The following PPP4R3B variants were observed in gnomAD, a reference collection of about 807,000 sequenced individuals.
PPP4R3B encodes the protein serine/threonine-protein phosphatase 4 regulatory subunit 3B.
PPP4R3B carries 52 observed loss-of-function variants against 95.4 expected under a neutral mutation model. The observed-to-expected ratio is 0.54, with a 90% confidence interval of 0.44 to 0.69. PPP4R3B has a LOEUF of 0.69. Among genes scored for constraint, PPP4R3B ranks in the 30% least tolerant of loss-of-function variants. The pLI, the probability that PPP4R3B is intolerant of heterozygous loss-of-function variation, is 0.00. For synonymous variants in PPP4R3B, 407 were observed against 343.9 expected, an observed-to-expected ratio of 1.18 and a Z score of -2.03; for missense variants, 1,003 against 1,005.9, an observed-to-expected ratio of 1.00 and a Z score of 0.04.
At chr2:55,577,419 T>C (rs1380843959) in intron 10 of PPP4R3B, 63 bp from the exon 11 acceptor site, 1 of 1,324,774 alleles carries the variant, frequency 7.5e-7, no homozygotes, top group Non-Finnish European at 9.8e-7. Context: ...ATTTCCCTAG[T>C]ACTTTATAAT....
chr2:55,548,420 T>A lies in PPP4R3B; in HGVS notation c.*1491A>T, dbSNP rs1390176102. The stretch of plus-strand genomic sequence containing the variant: ...ATTTTAATTCCTGAATTTTACAGTT[T>A]AGCATTAATATCACCACATGTATAC... On this transcript the variant is annotated 3_prime_UTR_variant, in exon 17 of 17. Coordinates refer to ENST00000616407, the MANE Select transcript of PPP4R3B (RefSeq NM_001122964.3). The A allele has an allele frequency of 6.5e-6, 1 of 152,676 alleles. No individual in the cohort carries two copies. The highest frequency in any genetic ancestry group is 1.5e-5 in the Non-Finnish European group (1 of 68,042). The allele number at this position is 152,676 out of a possible 1,614,324, so 9.5% of individuals were successfully genotyped here.
At chr2:55,582,994 C>T (rs1689635657) in intron 7 of PPP4R3B, among the ~76,000 whole-genome samples, 1 of 151,996 alleles carries the variant, frequency 6.6e-6, no homozygotes, top group Non-Finnish European at 1.5e-5. Context: ...ACAATGACTA[C>T]AGTAAAAAAT....
At chr2:55,605,767 G>A (rs533209078) in intron 2 of PPP4R3B, among the ~76,000 whole-genome samples, 152 of 152,128 alleles carry the variant, frequency 1.0e-3, no homozygotes, top group Middle Eastern at 3.4e-3. Context: ...TTAGCTGGGC[G>A]TGGTGGCGCG....
rs749246729 is a variant in PPP4R3B, at chr2:55,588,870, A to C, written c.999+9T>G. The C allele has an allele frequency of 1.3e-6, 2 of 1,593,332 alleles. No individual in the cohort carries two copies. Among genetic ancestry groups the C allele is most frequent in the East Asian group, 4.5e-5 (2 of 44,670 alleles). On this transcript the variant is annotated intron_variant, in intron 5 of 16. Coordinates refer to ENST00000616407, the MANE Select transcript of PPP4R3B (RefSeq NM_001122964.3). ...AGTGCTCTTTAAGAGTTTGAATTTCATAACTTACCAATTCACGCCGTTTAT... is the reference window on the plus strand; with the variant it reads ...AGTGCTCTTTAAGAGTTTGAATTTCCTAACTTACCAATTCACGCCGTTTAT...
intron 12 of PPP4R3B, among the ~76,000 whole-genome samples, chr2:55,569,408 A>G (rs6716100): frequency 0.66 from 101,098 of 152,076 alleles, 34,304 homozygotes; most frequent in Admixed American, 0.73. Context: ...GCAGTTATCC[A>G]GAGGCCTAAT....
intron 12 of PPP4R3B, 140 bp downstream of exon 12, chr2:55,573,479 C>T: frequency 1.3e-6 from 1 of 779,548 alleles, no homozygotes; most frequent in African/African-American, 1.8e-5. Context: ...TCCTCTTGCC[C>T]TTTAAATAAG....
chr2:55,559,704 T>C (rs907218047), intron 15 of PPP4R3B, among the ~76,000 whole-genome samples: 2 of 152,226 alleles, frequency 1.3e-5, no homozygotes, highest in Admixed American at 6.5e-5. Context: ...TCCCCAGCTA[T>C]GTGGAATTTT....
chr2:55,577,617 T>C (rs1023054227), intron 10 of PPP4R3B, among the ~76,000 whole-genome samples: 8 of 152,166 alleles, frequency 5.3e-5, no homozygotes, highest in Non-Finnish European at 8.8e-5. Context: ...GAGATAAAAC[T>C]GACATATCTT....
chr2:55,605,954 A>C (rs918133974), intron 2 of PPP4R3B, among the ~76,000 whole-genome samples: 1 of 151,780 alleles, frequency 6.6e-6, no homozygotes, highest in African/African-American at 2.4e-5. Flanking sequence ...CATCATCCAC[A>C]AAAGTTTTCA....
intron 4 of PPP4R3B, among the ~76,000 whole-genome samples, chr2:55,595,117 C>T (rs1038416275): frequency 1.3e-5 from 2 of 151,434 alleles, no homozygotes; most frequent in South Asian, 2.1e-4. Context: ...CTCCGCCTCT[C>T]GGTTCAAGCA....
chr2:55,588,240 G>A (rs948126580), intron 5 of PPP4R3B, among the ~76,000 whole-genome samples: 5 of 152,232 alleles, frequency 3.3e-5, no homozygotes, highest in Admixed American at 6.5e-5. Flanking sequence ...GCGGCTAGGC[G>A]CAGTGGCTCA....
chr2:55,557,981 A>G (rs1285916828), intron 16 of PPP4R3B, among the ~76,000 whole-genome samples: 2 of 152,224 alleles, frequency 1.3e-5, no homozygotes, highest in African/African-American at 2.4e-5. Flanking sequence ...CAATTTGCAG[A>G]GAAGAGCAGA....
intron 5 of PPP4R3B, among the ~76,000 whole-genome samples, chr2:55,588,284 C>CG (rs1002803919): frequency 6.6e-6 from 1 of 152,020 alleles, no homozygotes; most frequent in Non-Finnish European, 1.5e-5. Flanking sequence ...GAGGCCAAGG[C>CG]GGGGGGATCA....
intron 7 of PPP4R3B, among the ~76,000 whole-genome samples, chr2:55,584,416 G>A (rs1050153962): frequency 6.6e-6 from 1 of 152,036 alleles, no homozygotes. Context: ...TTCTTTGCTG[G>A]TGATTTGTGA....
chr2:55,562,241 G>T (rs1366295109), intron 15 of PPP4R3B, among the ~76,000 whole-genome samples: 1 of 152,072 alleles, frequency 6.6e-6, no homozygotes, highest in Admixed American at 6.5e-5. Flanking sequence ...GGCCAACATG[G>T]TGAAACCCCA....
chr2:55,603,541 C>T (rs1301690125), intron 3 of PPP4R3B, among the ~76,000 whole-genome samples: 1 of 152,158 alleles, frequency 6.6e-6, no homozygotes, highest in Non-Finnish European at 1.5e-5. Flanking sequence ...ACCACATATT[C>T]TATATATCCT....
At chr2:55,577,081 T>C (rs530433835) in intron 11 of PPP4R3B, among the ~76,000 whole-genome samples, 1 of 152,224 alleles carries the variant, frequency 6.6e-6, no homozygotes, top group South Asian at 2.1e-4. Flanking sequence ...AGACAATGCC[T>C]TCTCATAACA....
chr2:55,557,860 A>G (rs1237518586), intron 16 of PPP4R3B, among the ~76,000 whole-genome samples: 1 of 152,188 alleles, frequency 6.6e-6, no homozygotes, highest in African/African-American at 2.4e-5. Flanking sequence ...AATGTTTCAT[A>G]TAAAATTTAA....
chr2:55,571,025 T>C (rs1687929921), intron 12 of PPP4R3B, among the ~76,000 whole-genome samples: 2 of 152,142 alleles, frequency 1.3e-5, no homozygotes, highest in Admixed American at 1.3e-4. Context: ...ATATTGGAAA[T>C]TGTGGCTGGG....
Sources: gnomAD v4.1 joint callset for allele counts (sites outside exome capture counted in the v4.1 genomes callset) on GRCh38, gnomAD v4.1.1 for gene constraint, MANE v1.5 for transcripts, NCBI Gene and HGNC (gene_info 2026-07-23, HGNC 2026-07-21) for gene names.